The following TNKS variants were observed in gnomAD, a reference collection of about 807,000 sequenced individuals.
TNKS encodes the protein poly [ADP-ribose] polymerase tankyrase-1.
A neutral mutation model predicts 135.8 loss-of-function variants in TNKS; 72 were observed. The observed-to-expected ratio is 0.53, with a 90% CI of 0.44 to 0.64. The LOEUF is 0.64. TNKS is among the 30% of genes least tolerant of loss of function. The pLI, the probability that TNKS is intolerant of heterozygous loss-of-function variation, is 0.00. For missense variants in TNKS, 1,769 were observed against 1,674.0 expected (o/e 1.06, Z -0.99); for synonymous variants, 849 against 649.3 (o/e 1.31, Z -4.68).
At chr8:9,763,104 A>T in intron 21 of TNKS, 43 bp from the exon 22 acceptor site, 1 of 776,078 alleles carries the variant, frequency 1.3e-6, no homozygotes, top group Non-Finnish European at 2.0e-6. Flanking sequence ...GAGCCTGAGT[A>T]GTGTAGACTT....
chr8:9,769,999 A>G, intron 25 of TNKS, 107 bp from the exon 26 acceptor site: 1 of 973,418 alleles, frequency 1.0e-6, no homozygotes, highest in Non-Finnish European at 1.5e-6. Context: ...TGACATTTAA[A>G]TTAGCTTGCC....
chr8:9,615,327 A>G, intron 2 of TNKS: 1 of 279,354 alleles, frequency 3.6e-6, no homozygotes, highest in Admixed American at 5.4e-5. Context: ...AAAACTCTAC[A>G]TTGCAAGATT....
At chr8:9,709,275 G>A (rs1804202412) in intron 9 of TNKS, among the ~76,000 whole-genome samples, 2 of 152,120 alleles carry the variant, frequency 1.3e-5, no homozygotes, top group South Asian at 4.1e-4. Flanking sequence ...TCAAACTAGG[G>A]TTGAGATAGA....
At chr8:9,763,987 C>A (rs1807286993) in intron 22 of TNKS, among the ~76,000 whole-genome samples, 1 of 152,104 alleles carries the variant, frequency 6.6e-6, no homozygotes, top group African/African-American at 2.4e-5. Context: ...TGTATTTCAG[C>A]TCATACGTAG....
At chr8:9,676,686 C>CTCTCTCTGTGTGTGTGTG (rs1554467464) in intron 3 of TNKS, among the ~76,000 whole-genome samples, 3 of 147,886 alleles carry the variant, frequency 2.0e-5, no homozygotes, top group African/African-American at 7.5e-5. Flanking sequence ...CTCTCTCTCT[C>CTCTCTCTGTGTGTGTGTG]TGTGTGTGTG....
chr8:9,669,268 A>T (rs1053238239), intron 3 of TNKS, among the ~76,000 whole-genome samples: 19 of 151,480 alleles, frequency 1.3e-4, no homozygotes, highest in African/African-American at 4.6e-4. Context: ...AATACAAAAA[A>T]TTAGCCGGGC....
At chr8:9,763,737 CTGTT>C (rs939391408) in intron 22 of TNKS, among the ~76,000 whole-genome samples, 1 of 152,160 alleles carries the variant, frequency 6.6e-6, no homozygotes, top group African/African-American at 2.4e-5. Flanking sequence ...CCTATGAAGG[CTGTT>C]TGTGTAACCC....
At chr8:9,628,712 A>C (rs1323673562) in intron 3 of TNKS, among the ~76,000 whole-genome samples, 1 of 152,004 alleles carries the variant, frequency 6.6e-6, no homozygotes, top group Admixed American at 6.6e-5. Flanking sequence ...CAGACCTCCT[A>C]CCTTCCAGTT....
At chr8:9,636,016 G>A (rs1800496371) in intron 3 of TNKS, among the ~76,000 whole-genome samples, 1 of 152,180 alleles carries the variant, frequency 6.6e-6, no homozygotes, top group South Asian at 2.1e-4. Context: ...TTTAATTACT[G>A]TACTGTGGTT....
Position 9,764,695 on chromosome 8 carries a change from ATTAG to A in TNKS, c.3373-17_3373-14del. Reference sequence around the variant, plus strand: ...TTACACACTGGGATGTTTTTATAAAATTAGTTATTTTGTTCTGTAGATGCAAAGT... The same window carrying A: ...TTACACACTGGGATGTTTTTATAAAATTATTTTGTTCTGTAGATGCAAAGT... On this transcript the variant is annotated splice_polypyrimidine_tract_variant and intron_variant, in intron 22 of 26. Coordinates refer to ENST00000310430, the MANE Select transcript of TNKS (RefSeq NM_003747.3). 6.4e-7 allele frequency: 1 copy of A among 1,572,940 alleles called. No homozygotes were observed. The highest frequency in any genetic ancestry group is 8.6e-7 in the Non-Finnish European group (1 of 1,163,354).
chr8:9,569,979 C>A (rs1278283544), intron 1 of TNKS, among the ~76,000 whole-genome samples: 1 of 152,048 alleles, frequency 6.6e-6, no homozygotes, highest in African/African-American at 2.4e-5. Flanking sequence ...TCTATTGCTT[C>A]TCCTATTCTG....
intron 25 of TNKS, among the ~76,000 whole-genome samples, chr8:9,766,735 C>G (rs927673777): frequency 6.6e-6 from 1 of 152,104 alleles, no homozygotes; most frequent in Non-Finnish European, 1.5e-5. Context: ...CTGCCCACCT[C>G]GGCCTCCCAA....
intron 13 of TNKS, among the ~76,000 whole-genome samples, chr8:9,730,675 A>C (rs1201216735): frequency 6.6e-6 from 1 of 152,156 alleles, no homozygotes; most frequent in African/African-American, 2.4e-5. Context: ...ATGTTGAAAA[A>C]CATTAATTTG....
intron 22 of TNKS, 102 bp downstream of exon 22, chr8:9,763,346 C>A (rs2128835162): frequency 3.0e-6 from 2 of 663,288 alleles, no homozygotes; most frequent in East Asian, 5.9e-5. Context: ...CGGTCACATG[C>A]CTATTAATCA....
chr8:9,557,664 A>G (rs1453415747), intron 1 of TNKS: 1 of 152,148 alleles, frequency 6.6e-6, no homozygotes, highest in African/African-American at 2.4e-5. Flanking sequence ...ATCAGAGATA[A>G]CACACCAGAG....
chr8:9,623,863 G>A (rs774707125), intron 3 of TNKS, among the ~76,000 whole-genome samples: 37 of 152,176 alleles, frequency 2.4e-4, no homozygotes, highest in South Asian at 1.0e-3. Flanking sequence ...TTAGCTGGGC[G>A]TGGTGGTGGG....
chr8:9,601,133 A>G (rs1453792925), intron 2 of TNKS, among the ~76,000 whole-genome samples: 1 of 152,242 alleles, frequency 6.6e-6, no homozygotes, highest in Non-Finnish European at 1.5e-5. Context: ...AATAAATACT[A>G]AAACAGTGTA....
intron 1 of TNKS, among the ~76,000 whole-genome samples, chr8:9,566,928 A>T (rs531491695): frequency 1.3e-5 from 2 of 152,190 alleles, no homozygotes; most frequent in South Asian, 4.2e-4. Flanking sequence ...TTTTGTCATC[A>T]GAGTCCAAGG....
intron 3 of TNKS, among the ~76,000 whole-genome samples, chr8:9,644,880 T>C (rs1800859297): frequency 6.6e-6 from 1 of 152,122 alleles, no homozygotes; most frequent in Non-Finnish European, 1.5e-5. Flanking sequence ...ATTCAATAAA[T>C]TACAGAAGAT....
Sources: gnomAD v4.1 joint callset for allele counts (sites outside exome capture counted in the v4.1 genomes callset) on GRCh38, gnomAD v4.1.1 for gene constraint, MANE v1.5 for transcripts, NCBI Gene and HGNC (gene_info 2026-07-23, HGNC 2026-07-21) for gene names.